TCF12: variants seen among roughly 807,000 people sequenced by gnomAD.
TCF12 encodes transcription factor 12, also known as DNA-binding protein HTF4.
TCF12 carries 45 observed loss-of-function variants against 86.0 expected under a neutral mutation model. That is an observed-to-expected ratio of 0.52 (90% CI 0.41 to 0.67). The LOEUF is 0.67. Among genes scored for constraint, TCF12 ranks in the 30% least tolerant of loss-of-function variants. The pLI is 0.00. For synonymous variants in TCF12, 330 were observed against 299.6 expected, an observed-to-expected ratio of 1.10 and a Z score of -1.05; for missense variants, 881 against 859.9, an observed-to-expected ratio of 1.02 and a Z score of -0.31.
intron 3 of TCF12, among the ~76,000 whole-genome samples, chr15:57,043,550 A>G (rs979576301): frequency 7.9e-5 from 12 of 152,174 alleles, no homozygotes; most frequent in Admixed American, 4.6e-4. Flanking sequence ...TGATGATCAG[A>G]TATGTTGAGC....
chr15:57,172,588 G>A (rs1244597826), intron 6 of TCF12, among the ~76,000 whole-genome samples: 1 of 152,054 alleles, frequency 6.6e-6, no homozygotes, highest in Non-Finnish European at 1.5e-5. Context: ...GAGAACTCAG[G>A]GACACAAAGA....
chr15:56,999,618 A>T (rs2063906335), intron 3 of TCF12, among the ~76,000 whole-genome samples: 1 of 152,130 alleles, frequency 6.6e-6, no homozygotes, highest in Non-Finnish European at 1.5e-5. Flanking sequence ...TCATGCCTGT[A>T]ATCCCAGCAC....
At chr15:57,173,033 G>A (rs1471335932) in intron 6 of TCF12, among the ~76,000 whole-genome samples, 1 of 152,036 alleles carries the variant, frequency 6.6e-6, no homozygotes, top group South Asian at 2.1e-4. Context: ...AGGCTGCAGT[G>A]CGCTGTTATT....
chr15:56,921,658 A>G (rs1217384138), intron 3 of TCF12, among the ~76,000 whole-genome samples: 1 of 152,000 alleles, frequency 6.6e-6, no homozygotes, highest in Non-Finnish European at 1.5e-5. Context: ...TTTGTGCTTA[A>G]GAGATGAAAA....
At chr15:56,940,883 G>T (rs1480202305) in intron 3 of TCF12, among the ~76,000 whole-genome samples, 2 of 150,736 alleles carry the variant, frequency 1.3e-5, no homozygotes, top group African/African-American at 4.9e-5. Flanking sequence ...GGCCTCCTGA[G>T]GATAACAGGT....
At chr15:57,074,723 A>G (rs1370112813) in intron 4 of TCF12, among the ~76,000 whole-genome samples, 1 of 152,200 alleles carries the variant, frequency 6.6e-6, no homozygotes, top group East Asian at 1.9e-4. Context: ...GATTATTGGG[A>G]AAAAGAAGTA....
chr15:56,979,998 G>T (rs1216344798), intron 3 of TCF12, among the ~76,000 whole-genome samples: 1 of 152,154 alleles, frequency 6.6e-6, no homozygotes, highest in East Asian at 1.9e-4. Flanking sequence ...TAGAATAGAT[G>T]AAGCTATTAT....
At chr15:57,014,862 TTTATTATTATTATTATTA>T (rs139828642) in intron 3 of TCF12, among the ~76,000 whole-genome samples, 3 of 145,398 alleles carry the variant, frequency 2.1e-5, no homozygotes, top group African/African-American at 5.0e-5. Flanking sequence ...TCTCTGGACC[TTTATTATTATTATTATTA>T]TTATTATTAT....
At chr15:57,072,032 C>G (rs1389593450) in intron 4 of TCF12, among the ~76,000 whole-genome samples, 1 of 152,014 alleles carries the variant, frequency 6.6e-6, no homozygotes, top group African/African-American at 2.4e-5. Flanking sequence ...ATTTTATACA[C>G]AAAATGTTTT....
At chr15:57,261,794 G>A (rs557715528) in intron 16 of TCF12, among the ~76,000 whole-genome samples, 86 of 58,090 alleles carry the variant, frequency 1.5e-3, no homozygotes, top group Non-Finnish European at 2.7e-3. Context: ...GTGGCTTATA[G>A]AATGCTTTGT....
chr15:56,952,249 A>G (rs763977599), intron 3 of TCF12, among the ~76,000 whole-genome samples: 2 of 150,824 alleles, frequency 1.3e-5, no homozygotes, highest in African/African-American at 2.4e-5. Flanking sequence ...AATTTAGTCC[A>G]TTGATCTCTT....
intron 3 of TCF12, among the ~76,000 whole-genome samples, chr15:56,976,658 A>G (rs2062622839): frequency 6.6e-6 from 1 of 152,150 alleles, no homozygotes; most frequent in Non-Finnish European, 1.5e-5. Context: ...AGACAGCTAG[A>G]CACATTTGCT....
At chr15:56,968,847 G>A (rs1474478905) in intron 3 of TCF12, among the ~76,000 whole-genome samples, 1 of 152,226 alleles carries the variant, frequency 6.6e-6, no homozygotes, top group Non-Finnish European at 1.5e-5. Context: ...CAGTCATTAT[G>A]TGTAAGATGT....
chr15:57,071,230 G>C (rs1360724625), intron 4 of TCF12, among the ~76,000 whole-genome samples: 2 of 149,226 alleles, frequency 1.3e-5, no homozygotes, highest in African/African-American at 5.0e-5. Context: ...AACAAAATGA[G>C]ACCCCCTCTC....
chr15:57,274,905 C>G (rs2061310835), intron 19 of TCF12, among the ~76,000 whole-genome samples: 1 of 152,086 alleles, frequency 6.6e-6, no homozygotes, highest in African/African-American at 2.4e-5. Flanking sequence ...TACTTCAGAT[C>G]TAAGCCATTA....
At chr15:57,276,808 C>CTTT (rs35792121) in intron 19 of TCF12, among the ~76,000 whole-genome samples, 2 of 107,568 alleles carry the variant, frequency 1.9e-5, no homozygotes, top group African/African-American at 6.9e-5. Flanking sequence ...TTTTTTTTTC[C>CTTT]TTTTTTTTTT....
chr15:56,983,531 G>T (rs1020378457), intron 3 of TCF12, among the ~76,000 whole-genome samples: 3 of 152,042 alleles, frequency 2.0e-5, no homozygotes, highest in African/African-American at 7.3e-5. Flanking sequence ...TGTATTAGTG[G>T]TAAATACTAT....
chr15:56,921,587 G>T (rs566581269), intron 3 of TCF12, among the ~76,000 whole-genome samples: 1 of 151,410 alleles, frequency 6.6e-6, no homozygotes, highest in Non-Finnish European at 1.5e-5. Flanking sequence ...AAATATTTTA[G>T]AAGGAAGGTC....
intron 8 of TCF12, among the ~76,000 whole-genome samples, chr15:57,203,628 G>A (rs2057666035): frequency 6.6e-6 from 1 of 152,184 alleles, no homozygotes; most frequent in Non-Finnish European, 1.5e-5. Context: ...AGTCCCGTAC[G>A]TAGCCTGATG....
Sources: allele counts gnomAD v4.1 joint callset (sites outside exome capture counted in the v4.1 genomes callset), GRCh38; gene constraint gnomAD v4.1.1; transcripts MANE v1.5; gene names NCBI Gene and HGNC (gene_info 2026-07-23, HGNC 2026-07-21).